Variants in RNF144A observed in about 807,000 individuals in gnomAD.
The protein encoded by RNF144A is ring finger protein 144A, also known as E3 ubiquitin-protein ligase RNF144A.
A neutral mutation model predicts 38.7 loss-of-function variants in RNF144A; 11 were observed. That is an observed-to-expected ratio of 0.28 (90% CI 0.18 to 0.47). RNF144A has a LOEUF of 0.47. Ranked by LOEUF, RNF144A falls within the 20% of genes least tolerant of loss-of-function variation. The probability of loss-of-function intolerance (pLI) is 0.99; values close to 1 mark genes in which losing one functional copy is unlikely to be tolerated. For synonymous variants in RNF144A, 149 were observed against 143.9 expected, an observed-to-expected ratio of 1.04 and a Z score of -0.25; for missense variants, 316 against 377.2, an observed-to-expected ratio of 0.84 and a Z score of 1.34.
At position 6,977,100 on chromosome 2, in the gene RNF144A, G is replaced by C. The variant is rs534914951; in HGVS notation, c.-11-19816G>C. Among the ~76,000 whole-genome samples the C allele has an allele frequency of 3.3e-5, 5 of 152,338 alleles. No individual in the cohort carries two copies. In the South Asian group the frequency reaches 1.0e-3, roughly 32 times the overall value. Reference sequence around the variant, plus strand: ...TACGCATTGCCTCTCAAAAGTGTTAGTTCATTGTATGTTACCATTAGCCAT... The same window carrying C: ...TACGCATTGCCTCTCAAAAGTGTTACTTCATTGTATGTTACCATTAGCCAT... On this transcript the variant is annotated intron_variant, in intron 2 of 8. Transcript: ENST00000320892.
At chr2:7,003,476 G>A (rs901506768) in intron 3 of RNF144A, among the ~76,000 whole-genome samples, 9 of 152,130 alleles carry the variant, frequency 5.9e-5, no homozygotes, top group South Asian at 2.1e-4. Context: ...TAGTATTGTC[G>A]TTAATATGCG....
rs188126563 is a variant in RNF144A at position 7,043,545 on chromosome 2, A to G, written c.*3785A>G. 1.6e-3 allele frequency: 1,590 copies of G among 985,762 alleles called. 1 individual carries two copies. Among genetic ancestry groups the G allele is most frequent in the Non-Finnish European group, 1.9e-3 (1,538 of 829,824 alleles). 61.1% of individuals were successfully genotyped at this position (985,762 alleles called of 1,614,324 possible). Reference sequence around the variant, plus strand: ...CTTCATGAAGTTCTCTTTAAAAAATACCAAAGCTTGTTTATTTCTGATAAT... The same window carrying G: ...CTTCATGAAGTTCTCTTTAAAAAATGCCAAAGCTTGTTTATTTCTGATAAT... On this transcript the variant is annotated 3_prime_UTR_variant, in exon 9 of 9. Transcript: ENST00000320892.
rs1025717165 is a variant in RNF144A, at chr2:7,039,869, A to G, written c.*109A>G. On this transcript the variant is annotated 3_prime_UTR_variant, in exon 9 of 9. Transcript: ENST00000320892. The stretch of plus-strand genomic sequence containing the variant: ...ACATCTTTCTTGCCTTATGTGCCCC[A>G]TTGAGCTTCACAGTGTCAGGCTGGA... 2.0e-6 allele frequency: 3 copies of G among 1,495,082 alleles called. No homozygotes were observed. In the African/African-American group the frequency reaches 4.2e-5, roughly 21 times the overall value. 92.6% of individuals were successfully genotyped at this position (1,495,082 alleles called of 1,614,324 possible).
At chr2:7,001,370 T>TA (rs1174006365) in intron 3 of RNF144A, among the ~76,000 whole-genome samples, 7 of 149,716 alleles carry the variant, frequency 4.7e-5, no homozygotes, top group Admixed American at 3.3e-4. Flanking sequence ...TTAAAATAAA[T>TA]AAAAAAATAA....
chr2:7,067,027 A>G (rs998751806), intron 6 of RNF144A, among the ~76,000 whole-genome samples: 11 of 152,242 alleles, frequency 7.2e-5, no homozygotes, highest in Admixed American at 7.2e-4. Context: ...AGTTAATGAG[A>G]CTAAACTTAT....
chr2:6,923,667 G>A (rs77167857), intron 1 of RNF144A, among the ~76,000 whole-genome samples: 4 of 152,166 alleles, frequency 2.6e-5, no homozygotes, highest in Non-Finnish European at 4.4e-5. Flanking sequence ...AGATGGAGCC[G>A]CACGGAGCAG....
At chr2:7,025,474 G>A (rs1671824295) in intron 7 of RNF144A, among the ~76,000 whole-genome samples, 1 of 152,168 alleles carries the variant, frequency 6.6e-6, no homozygotes, top group South Asian at 2.1e-4. Context: ...AGGAGTTCAA[G>A]ACCAGCCTGG....
At chr2:7,037,603 AT>A (rs1407542037) in intron 8 of RNF144A, among the ~76,000 whole-genome samples, 1 of 152,266 alleles carries the variant, frequency 6.6e-6, no homozygotes, top group Admixed American at 6.5e-5. Context: ...GATTCCCAGC[AT>A]TAGCACAATC....
At chr2:7,027,411 T>G (rs1671978771) in intron 7 of RNF144A, among the ~76,000 whole-genome samples, 1 of 152,264 alleles carries the variant, frequency 6.6e-6, no homozygotes. Context: ...CAGTTTGCTC[T>G]GGATACCTGC....
intron 6 of RNF144A, among the ~76,000 whole-genome samples, chr2:7,063,179 G>T (rs1674046971): frequency 6.6e-6 from 1 of 152,168 alleles, no homozygotes; most frequent in Non-Finnish European, 1.5e-5. Context: ...TTTGTTTGAA[G>T]AAAAGGCTCC....
In RNF144A at chr2:7,024,516, C is replaced by A. The variant is rs199643885; in HGVS notation, c.657C>A (p.Asp219Glu). Residue 219 changes from aspartate to glutamate, a missense_variant and splice_region_variant, in exon 7 of 9, where the codon GAC (aspartate) becomes GAA (glutamate). By Grantham distance (45) the Asp-to-Glu change is conservative. Transcript: ENST00000320892. ...GCTGGTACTGCCTGGAGTCTCTGGA[C>A]GTGAGTACGGCCTTCAGCTTCACCT... ...AFCWYCLESL[D>E]DDFLLIHYDK... The A allele has an allele frequency of 4.9e-5, 79 of 1,603,792 alleles. No homozygotes were observed. Among genetic ancestry groups the A allele is most frequent in the Non-Finnish European group, 6.5e-5 (76 of 1,171,586 alleles).
At chr2:7,025,544 C>T (rs1572429356) in intron 7 of RNF144A, among the ~76,000 whole-genome samples, 1 of 152,200 alleles carries the variant, frequency 6.6e-6, no homozygotes, top group South Asian at 2.1e-4. Flanking sequence ...TGGTGGCATG[C>T]ACCTGTAGTC....
chr2:7,058,654 A>G (rs1012800362), intron 6 of RNF144A, among the ~76,000 whole-genome samples: 2 of 152,182 alleles, frequency 1.3e-5, no homozygotes, highest in African/African-American at 4.8e-5. Context: ...TTTTTATATC[A>G]CATGTCTCTG....
chr2:7,006,285 A>T (rs1255856792), intron 3 of RNF144A, among the ~76,000 whole-genome samples: 3 of 152,148 alleles, frequency 2.0e-5, no homozygotes, highest in Non-Finnish European at 2.9e-5. Context: ...TTCCTAATCA[A>T]GAGTATGAAA....
At chr2:6,939,590 GTATC>G (rs1315147977) in intron 1 of RNF144A, among the ~76,000 whole-genome samples, 1 of 152,064 alleles carries the variant, frequency 6.6e-6, no homozygotes, top group Non-Finnish European at 1.5e-5. Flanking sequence ...GAATTACAAT[GTATC>G]TATTTTTTCT....
chr2:6,963,913 A>C (rs2292930), intron 2 of RNF144A, among the ~76,000 whole-genome samples: 1 of 151,902 alleles, frequency 6.6e-6, no homozygotes, highest in African/African-American at 2.4e-5. Context: ...GCAGCTGTGC[A>C]GGGAATGGGT....
the RNF144A span, chr2:7,074,355 C>A: frequency 6.6e-6 from 1 of 152,298 alleles, no homozygotes; most frequent in Non-Finnish European, 1.5e-5. Context: ...CTCCACCCTA[C>A]ACCCTAGCAA....
chr2:7,028,790 T>C (rs1672087891), intron 7 of RNF144A, among the ~76,000 whole-genome samples: 1 of 152,104 alleles, frequency 6.6e-6, no homozygotes, highest in South Asian at 2.1e-4. Flanking sequence ...AGAAGTGGCT[T>C]TGTGTTTGCC....
intron 2 of RNF144A, among the ~76,000 whole-genome samples, chr2:6,965,592 G>C (rs542434973): frequency 2.6e-5 from 4 of 152,308 alleles, no homozygotes; most frequent in African/African-American, 9.6e-5. Flanking sequence ...TGTCTCAGTG[G>C]CAAGGGTGGA....
Sources: gnomAD v4.1 joint callset for allele counts (sites outside exome capture counted in the v4.1 genomes callset) on GRCh38, gnomAD v4.1.1 for gene constraint, MANE v1.5 for transcripts, NCBI Gene and HGNC (gene_info 2026-07-23, HGNC 2026-07-21) for gene names.